Variants in PRKN observed in about 807,000 individuals in gnomAD.
PRKN encodes E3 ubiquitin-protein ligase parkin.
In PRKN, 56 loss-of-function variants were observed where a neutral mutation model predicts 59.5. The observed-to-expected ratio is 0.94, with a 90% CI of 0.76 to 1.18. PRKN has a LOEUF of 1.18. PRKN is among the 50% of genes most tolerant of loss of function. The pLI is 0.00. For synonymous variants in PRKN, 250 were observed against 222.1 expected (o/e 1.13, Z -1.12); for missense variants, 657 against 596.4 (o/e 1.10, Z -1.06).
At position 161,455,803 on chromosome 6, in the gene PRKN, T is replaced by C. The variant is rs1192822138; in HGVS notation, c.1084-68926A>G. Among the ~76,000 whole-genome samples the C allele has an allele frequency of 3.5e-5, 5 of 144,370 alleles. No individual in the cohort carries two copies. In the East Asian group the frequency reaches 8.1e-4, roughly 23 times the overall value. The allele number at this position is 144,370 out of a possible 152,430, so 94.7% of individuals were successfully genotyped here. On this transcript the variant is annotated intron_variant, in intron 9 of 11. Transcript: ENST00000366898. Reference sequence around the variant, plus strand: ...TCTCGAACCCGGGAGGCGGAGGTTGTGGTGAGCTGAGATCGCGCCACTGCA... The same window carrying C: ...TCTCGAACCCGGGAGGCGGAGGTTGCGGTGAGCTGAGATCGCGCCACTGCA...
At chr6:161,807,290 C>T (rs1401899207) in intron 6 of PRKN, among the ~76,000 whole-genome samples, 1 of 152,148 alleles carries the variant, frequency 6.6e-6, no homozygotes, top group Non-Finnish European at 1.5e-5. Flanking sequence ...CATGCTTATA[C>T]ACAGATACAC....
chr6:161,985,798 G>A (rs1781414131), intron 5 of PRKN, among the ~76,000 whole-genome samples: 1 of 152,036 alleles, frequency 6.6e-6, no homozygotes, highest in Admixed American at 6.6e-5. Context: ...CTCTCCCTTG[G>A]CCTGCCATGG....
intron 2 of PRKN, among the ~76,000 whole-genome samples, chr6:162,323,524 T>C (rs1783128040): frequency 2.0e-5 from 3 of 151,988 alleles, no homozygotes. Context: ...TTCTTGTATC[T>C]AGGATATATA....
At chr6:162,452,410 G>T (rs950942619) in intron 1 of PRKN, among the ~76,000 whole-genome samples, 2 of 135,498 alleles carry the variant, frequency 1.5e-5, no homozygotes, top group African/African-American at 2.7e-5. Flanking sequence ...GGGTAAAGCA[G>T]AAATTCTATT....
rs1334110881 is a variant in PRKN at position 161,386,915 on chromosome 6, G to C, written c.1084-38C>G. The C allele has an allele frequency of 2.0e-6, 3 of 1,516,780 alleles. No homozygotes were observed. Among genetic ancestry groups the C allele is most frequent in the Middle Eastern group, 3.4e-4 (2 of 5,856 alleles). The allele number at this position is 1,516,780 out of a possible 1,614,324, so 94.0% of individuals were successfully genotyped here. The stretch of plus-strand genomic sequence containing the variant: ...ACACATCCATTAATTAGGGACATTA[G>C]GTTGCATTTGGCAATAACACATTTT... On this transcript the variant is annotated intron_variant, in intron 9 of 11. Transcript: ENST00000366898. The surrounding 1 kb of genome is among the most constrained non-coding windows in gnomAD (Gnocchi z 4.3).
intron 6 of PRKN, among the ~76,000 whole-genome samples, chr6:161,879,332 C>A (rs1345803723): frequency 2.1e-5 from 3 of 143,138 alleles, no homozygotes; most frequent in Non-Finnish European, 4.5e-5. Flanking sequence ...GTCATTATGA[C>A]ATTTCTGCCT....
At chr6:162,226,226 CG>C (rs1244421844) in intron 3 of PRKN, among the ~76,000 whole-genome samples, 1 of 151,828 alleles carries the variant, frequency 6.6e-6, no homozygotes, top group East Asian at 1.9e-4. Context: ...CAGGGCTATG[CG>C]CTTTGAGACA....
intron 2 of PRKN, among the ~76,000 whole-genome samples, chr6:162,370,788 T>C (rs1004480840): frequency 6.6e-6 from 1 of 152,188 alleles, no homozygotes; most frequent in Non-Finnish European, 1.5e-5. Context: ...ATATGAATGG[T>C]AGTATTATGT....
At chr6:162,647,196 TAA>T (rs1778217592) in intron 1 of PRKN, among the ~76,000 whole-genome samples, 1 of 151,952 alleles carries the variant, frequency 6.6e-6, no homozygotes, top group Non-Finnish European at 1.5e-5. Flanking sequence ...TAATATAATA[TAA>T]AGAGAGTTCT....
intron 6 of PRKN, among the ~76,000 whole-genome samples, chr6:161,830,314 C>G (rs1250143137): frequency 6.6e-6 from 1 of 151,230 alleles, no homozygotes; most frequent in African/African-American, 2.4e-5. Flanking sequence ...TGCGGTGGCG[C>G]GATCTTGGCT....
At chr6:162,213,241 T>C (rs948931149) in intron 3 of PRKN, among the ~76,000 whole-genome samples, 9 of 152,232 alleles carry the variant, frequency 5.9e-5, no homozygotes, top group African/African-American at 1.7e-4. Context: ...CTATCAATAA[T>C]GTTAACAATA....
intron 4 of PRKN, among the ~76,000 whole-genome samples, chr6:162,129,060 G>C (rs145336905): frequency 2.6e-5 from 4 of 152,212 alleles, no homozygotes; most frequent in African/African-American, 9.6e-5. Context: ...ATCATCTAAA[G>C]GATAACATCA....
intron 9 of PRKN, among the ~76,000 whole-genome samples, chr6:161,403,488 T>C (rs766105633): frequency 5.3e-5 from 8 of 152,184 alleles, no homozygotes; most frequent in Non-Finnish European, 8.8e-5. Flanking sequence ...GGGTCGGTTA[T>C]TGTTCCAAAT....
chr6:162,052,579 C>T (rs989746652), intron 5 of PRKN, among the ~76,000 whole-genome samples: 1 of 152,242 alleles, frequency 6.6e-6, no homozygotes, highest in African/African-American at 2.4e-5. Flanking sequence ...AGGATTTGGG[C>T]TACTCTCAGC....
At chr6:162,250,189 G>C (rs933599604) in intron 3 of PRKN, among the ~76,000 whole-genome samples, 1 of 94,294 alleles carries the variant, frequency 1.1e-5, no homozygotes, top group Admixed American at 9.0e-5. Flanking sequence ...ATTTATAAGG[G>C]GGGGGGCAGG....
chr6:162,470,184 T>G (rs1791661428), intron 1 of PRKN, among the ~76,000 whole-genome samples: 1 of 152,178 alleles, frequency 6.6e-6, no homozygotes, highest in African/African-American at 2.4e-5. Context: ...ACTTAAACGC[T>G]GCATAGACAG....
intron 6 of PRKN, among the ~76,000 whole-genome samples, chr6:161,847,489 G>T (rs1203215772): frequency 2.0e-5 from 3 of 152,176 alleles, no homozygotes; most frequent in African/African-American, 4.8e-5. Context: ...TACATCAAGT[G>T]GTTGAGGGGT....
intron 2 of PRKN, among the ~76,000 whole-genome samples, chr6:162,314,902 G>A (rs948708605): frequency 6.6e-6 from 1 of 152,084 alleles, no homozygotes; most frequent in African/African-American, 2.4e-5. Flanking sequence ...AGGAACTACT[G>A]CCAAGGAAGG....
chr6:161,944,185 C>CTTTA (rs1779696820), intron 6 of PRKN, among the ~76,000 whole-genome samples: 1 of 152,172 alleles, frequency 6.6e-6, no homozygotes, highest in East Asian at 1.9e-4. Context: ...TATCATTGGA[C>CTTTA]TTTATCTCAC....
Sources: allele counts gnomAD v4.1 joint callset (sites outside exome capture counted in the v4.1 genomes callset), GRCh38; gene constraint gnomAD v4.1.1; non-coding constraint Gnocchi (gnomAD v3.1); transcripts MANE v1.5; gene names NCBI Gene and HGNC (gene_info 2026-07-23, HGNC 2026-07-21).